TMEM39B: variants seen among roughly 807,000 people sequenced by gnomAD.
The protein encoded by TMEM39B is transmembrane protein 39B.
Under a neutral mutation model 52.2 loss-of-function variants are expected in TMEM39B, and 23 were observed. The ratio of observed to expected loss-of-function variants is 0.44; its 90% CI spans 0.32 to 0.62. The LOEUF (loss-of-function observed/expected upper bound fraction) is 0.62, where lower values mean the gene tolerates loss of function less well. Ranked by LOEUF, TMEM39B falls within the 20% of genes least tolerant of loss-of-function variation. The probability of loss-of-function intolerance (pLI) is 0.06; values close to 1 mark genes in which losing one functional copy is unlikely to be tolerated. For missense variants in TMEM39B, 547 were observed against 642.0 expected, an observed-to-expected ratio of 0.85 and a Z score of 1.60; for synonymous variants, 285 against 264.0, an observed-to-expected ratio of 1.08 and a Z score of -0.77.
At position 32,083,456 on chromosome 1, in the gene TMEM39B, G is replaced by A. The variant is rs187556354; in HGVS notation, c.590+6138G>A. On this transcript the variant is annotated intron_variant, in intron 5 of 8. Coordinates refer to ENST00000336294, the MANE Select transcript of TMEM39B (RefSeq NM_018056.4). ...TTTTTTTTTGAGATGGAGATTCGCC[G>A]TTGTTGCCCAGGCTGGAGTGGAATA... Among the ~76,000 whole-genome samples, 633 of 113,698 alleles carry A rather than the reference G, an allele frequency of 5.6e-3. 2 individuals carry two copies. Among genetic ancestry groups the A allele is most frequent in the African/African-American group, 0.02 (581 of 28,544 alleles). The allele number at this position is 113,698 out of a possible 152,430, so 74.6% of individuals were successfully genotyped here.
intron 7 of TMEM39B, chr1:32,095,515 G>A (rs1640778901): frequency 1.3e-5 from 2 of 156,032 alleles, no homozygotes; most frequent in Non-Finnish European, 2.9e-5. Context: ...CCCTGGCCAG[G>A]GAAGGATGAG....
intron 5 of TMEM39B, among the ~76,000 whole-genome samples, chr1:32,090,244 T>G (rs561330973): frequency 1.7e-4 from 26 of 152,206 alleles, no homozygotes; most frequent in South Asian, 1.7e-3. Flanking sequence ...TCTAGTTTTC[T>G]CCGCATACAA....
chr1:32,092,342 A>C (rs1387092397), intron 6 of TMEM39B, among the ~76,000 whole-genome samples: 1 of 152,008 alleles, frequency 6.6e-6, no homozygotes, highest in Non-Finnish European at 1.5e-5. Context: ...TTTTTTATAG[A>C]GATGGAGTCT....
At chr1:32,085,946 C>G (rs1016910508) in intron 5 of TMEM39B, among the ~76,000 whole-genome samples, 2 of 151,940 alleles carry the variant, frequency 1.3e-5, no homozygotes, top group Non-Finnish European at 2.9e-5. Context: ...AGAGCTTTGA[C>G]TGGAAACTTT....
intron 1 of TMEM39B, 141 bp downstream of exon 1, chr1:32,073,192 C>T (rs1639707373): frequency 1.7e-6 from 2 of 1,149,568 alleles, no homozygotes; most frequent in African/African-American, 1.6e-5. Flanking sequence ...GGATCCCGCC[C>T]CCTCCTGTCG....
chr1:32,091,097 A>G lies in TMEM39B; in HGVS notation c.591-578A>G, dbSNP rs188896152. Among the ~76,000 whole-genome samples the G allele has an allele frequency of 1.5e-4, 23 of 152,120 alleles. No homozygotes were observed. The East Asian group carries it at 4.1e-3, about 27-fold the overall frequency. ...GCTACCGTGCTTGTCCTCTGTGTAC[A>G]CTTTTAACTAATTACTCATAATGAT... On this transcript the variant is annotated intron_variant, in intron 5 of 8. Coordinates refer to ENST00000336294, the MANE Select transcript of TMEM39B (RefSeq NM_018056.4).
chr1:32,086,757 G>T (rs1640365456), intron 5 of TMEM39B, among the ~76,000 whole-genome samples: 1 of 150,468 alleles, frequency 6.6e-6, no homozygotes, highest in Non-Finnish European at 1.5e-5. Flanking sequence ...ACAGAGCCAG[G>T]CCCTGTCTCA....
chr1:32,074,809 T>C (rs1194685855), intron 1 of TMEM39B, 142 bp from the exon 2 acceptor site: 16 of 1,054,106 alleles, frequency 1.5e-5, no homozygotes, highest in Non-Finnish European at 1.8e-5. Flanking sequence ...AAGCTGAAGA[T>C]GTAAGAAGGG....
chr1:32,082,099 T>A (rs923027244), intron 5 of TMEM39B, among the ~76,000 whole-genome samples: 5 of 151,836 alleles, frequency 3.3e-5, no homozygotes, highest in African/African-American at 1.2e-4. Flanking sequence ...AGTATAAGTA[T>A]CCCTATACTT....
chr1:32,091,143 T>C (rs1318928298), intron 5 of TMEM39B, among the ~76,000 whole-genome samples: 2 of 152,122 alleles, frequency 1.3e-5, no homozygotes, highest in Non-Finnish European at 2.9e-5. Flanking sequence ...GGTGCCTTGA[T>C]CTTTGGTACC....
intron 7 of TMEM39B, among the ~76,000 whole-genome samples, chr1:32,098,696 G>A (rs189595341): frequency 2.0e-5 from 3 of 152,180 alleles, no homozygotes; most frequent in East Asian, 1.9e-4. Flanking sequence ...TAGAGATAGC[G>A]CCACTGCAGT....
chr1:32,086,225 A>G (rs1449736677), intron 5 of TMEM39B, among the ~76,000 whole-genome samples: 1 of 152,136 alleles, frequency 6.6e-6, no homozygotes, highest in East Asian at 1.9e-4. Flanking sequence ...CCATTTATTC[A>G]TACCTGCTCC....
chr1:32,093,448 A>G (rs1434523322), intron 6 of TMEM39B, among the ~76,000 whole-genome samples: 3 of 82,488 alleles, frequency 3.6e-5, no homozygotes, highest in South Asian at 4.2e-4. Flanking sequence ...GTCTTGCTCT[A>G]TGGCCCAGGC....
intron 7 of TMEM39B, among the ~76,000 whole-genome samples, chr1:32,096,451 C>CTATTTTTTTTTTTTTTTTT (rs1243569868): frequency 9.5e-6 from 1 of 105,028 alleles, no homozygotes. Context: ...CTCCTCTGGC[C>CTATTTTTTTTTTTTTTTTT]TTTTTTTTTT....
chr1:32,076,242 G>C (rs140694217), intron 3 of TMEM39B: 111 of 213,712 alleles, frequency 5.2e-4, no homozygotes, highest in African/African-American at 2.4e-3. Context: ...CTCCCGAGTA[G>C]CTGGGATTAC....
At chr1:32,083,613 G>A (rs1024895502) in intron 5 of TMEM39B, among the ~76,000 whole-genome samples, 2 of 150,212 alleles carry the variant, frequency 1.3e-5, no homozygotes, top group Admixed American at 1.3e-4. Context: ...TAGTAGAGAC[G>A]GGGTTTCACC....
rs772525387 is a variant in TMEM39B, at chr1:32,091,852, G to A, written c.768G>A (p.Pro256=). 40 of 1,614,104 alleles carry A rather than the reference G, an allele frequency of 2.5e-5. No homozygotes were observed. Among genetic ancestry groups the A allele is most frequent in the Admixed American group, 8.3e-5 (5 of 60,006 alleles). Residue 256 remains proline (P), a synonymous_variant, in exon 6 of 9, where the codon CCG becomes CCA. Transcript: ENST00000336294. ...WKQHTRQLYG[P]DAMPTHACCL... ...AGCACACAAGACAGCTGTATGGCCC[G>A]GACGCCATGCCCACCCATGCCTGCT...
At chr1:32,073,915 T>C in intron 1 of TMEM39B, 6 of 980,460 alleles carry the variant, frequency 6.1e-6, no homozygotes, top group Non-Finnish European at 7.3e-6. Flanking sequence ...TATATGTATG[T>C]ATATATATTT....
intron 7 of TMEM39B, 70 bp from the exon 8 acceptor site, chr1:32,100,372 T>C: frequency 6.7e-7 from 1 of 1,486,498 alleles, no homozygotes; most frequent in East Asian, 2.3e-5. Context: ...GATTCCCTCC[T>C]GCCCATTCTT....
Sources: gnomAD v4.1 joint callset for allele counts (sites outside exome capture counted in the v4.1 genomes callset) on GRCh38, gnomAD v4.1.1 for gene constraint, MANE v1.5 for transcripts, NCBI Gene and HGNC (gene_info 2026-07-23, HGNC 2026-07-21) for gene names.